Variants in WDR41 observed in about 807,000 individuals in gnomAD.
WDR41 encodes the protein WD repeat domain 41, also known as WD repeat-containing protein 41.
Under a neutral mutation model 69.3 loss-of-function variants are expected in WDR41, and 63 were observed. That is an observed-to-expected ratio of 0.91 (90% CI 0.74 to 1.12). The LOEUF is 1.12. WDR41 is among the 50% of genes most tolerant of loss of function. The pLI is 0.00. For synonymous variants in WDR41, 185 were observed against 192.1 expected (o/e 0.96, Z 0.31); for missense variants, 543 against 534.5 (o/e 1.02, Z -0.16).
At chr5:77,530,113 C>A (rs936267812) in intron 1 of WDR41, among the ~76,000 whole-genome samples, 18 of 151,496 alleles carry the variant, frequency 1.2e-4, no homozygotes, top group African/African-American at 4.4e-4. Context: ...AAAATTAAAA[C>A]CACGATAAGA....
chr5:77,442,019 T>C (rs1482539971), intron 8 of WDR41, among the ~76,000 whole-genome samples: 1 of 152,038 alleles, frequency 6.6e-6, no homozygotes, highest in Non-Finnish European at 1.5e-5. Context: ...TCAGGAAATA[T>C]AAAACAGGAA....
At chr5:77,526,082 T>C (rs984382042) in intron 1 of WDR41, among the ~76,000 whole-genome samples, 2 of 152,152 alleles carry the variant, frequency 1.3e-5, no homozygotes, top group African/African-American at 4.8e-5. Context: ...TTACAAAAAA[T>C]TATTATAAAT....
intron 2 of WDR41, among the ~76,000 whole-genome samples, chr5:77,474,750 T>C (rs1800817117): frequency 6.6e-6 from 1 of 152,210 alleles, no homozygotes; most frequent in Middle Eastern, 3.2e-3. Flanking sequence ...TGGTAAGTTC[T>C]TCCCTTCCCA....
chr5:77,589,323 T>A (rs928224560), intron 1 of WDR41, among the ~76,000 whole-genome samples: 1 of 152,210 alleles, frequency 6.6e-6, no homozygotes, highest in Non-Finnish European at 1.5e-5. Context: ...CCTTTAACTT[T>A]GTTCTTTTTC....
intron 9 of WDR41, among the ~76,000 whole-genome samples, chr5:77,438,627 TGAAA>T (rs1799038540): frequency 6.6e-6 from 1 of 152,198 alleles, no homozygotes; most frequent in Admixed American, 6.5e-5. Context: ...TCTTCCTCAC[TGAAA>T]TATATCTAGA....
chr5:77,540,840 T>C (rs1389774705), intron 1 of WDR41, among the ~76,000 whole-genome samples: 1 of 152,192 alleles, frequency 6.6e-6, no homozygotes, highest in Non-Finnish European at 1.5e-5. Flanking sequence ...ACATTTATGG[T>C]ATACAGGCTT....
At chr5:77,491,939 G>C in intron 1 of WDR41, 1 of 541,616 alleles carries the variant, frequency 1.8e-6, no homozygotes, top group Non-Finnish European at 3.2e-6. Context: ...CGTGGGACGG[G>C]GCCGGGGGTC....
chr5:77,619,522 G>A lies in WDR41; in HGVS notation c.42+957C>T, dbSNP rs565648948. 1.3e-4 allele frequency among the ~76,000 whole-genome samples: 20 copies of A among 152,100 alleles called. 1 individual carries two copies. The South Asian group carries it at 3.9e-3, about 30-fold the overall frequency. ...ATTATCTGAAAGGTGCTTGAGCAAC[G>A]TGTCCAGCTGCTGCTTCTCCCCAGA... On this transcript the variant is annotated intron_variant, in intron 1 of 5. Transcript: ENST00000509971.
At chr5:77,490,070 A>G (rs1329876862) in intron 1 of WDR41, among the ~76,000 whole-genome samples, 1 of 152,066 alleles carries the variant, frequency 6.6e-6, no homozygotes, top group Non-Finnish European at 1.5e-5. Context: ...GGATTTCTCA[A>G]ACTTGATGCT....
intron 2 of WDR41, among the ~76,000 whole-genome samples, chr5:77,484,278 A>G (rs1801411845): frequency 6.6e-6 from 1 of 152,222 alleles, no homozygotes; most frequent in South Asian, 2.1e-4. Flanking sequence ...AATAAGGAGA[A>G]AAGCAGCAAG....
chr5:77,513,687 T>C (rs1023043680), intron 1 of WDR41, among the ~76,000 whole-genome samples: 5 of 152,198 alleles, frequency 3.3e-5, no homozygotes, highest in Non-Finnish European at 7.4e-5. Flanking sequence ...TTTAAACATG[T>C]TTTAACCGAA....
intron 1 of WDR41, chr5:77,546,129 A>T (rs1580002768): frequency 2.0e-6 from 1 of 503,392 alleles, no homozygotes; most frequent in East Asian, 3.3e-5. Context: ...TCAGACCTAC[A>T]GCTACTTGAC....
intron 1 of WDR41, among the ~76,000 whole-genome samples, chr5:77,566,463 A>C (rs1373842479): frequency 6.6e-6 from 1 of 152,132 alleles, no homozygotes; most frequent in Non-Finnish European, 1.5e-5. Flanking sequence ...TAGGACAAAA[A>C]AAGATGCAAA....
intron 2 of WDR41, among the ~76,000 whole-genome samples, chr5:77,485,097 CAGA>C (rs1157421544): frequency 6.6e-6 from 1 of 152,220 alleles, no homozygotes; most frequent in African/African-American, 2.4e-5. Context: ...ACATCTGCAT[CAGA>C]GTCTGAGACA....
intron 1 of WDR41, among the ~76,000 whole-genome samples, chr5:77,536,414 G>A (rs1742982461): frequency 6.6e-6 from 1 of 151,278 alleles, no homozygotes; most frequent in Non-Finnish European, 1.5e-5. Context: ...TAAAAAAAAA[G>A]TAATGAAAAT....
intron 7 of WDR41, among the ~76,000 whole-genome samples, chr5:77,450,375 TTC>T (rs1319703834): frequency 3.3e-5 from 5 of 152,364 alleles, no homozygotes; most frequent in Middle Eastern, 3.4e-3. Flanking sequence ...AAATTATAAA[TTC>T]TCTGAGTATG....
intron 1 of WDR41, among the ~76,000 whole-genome samples, chr5:77,550,241 G>C (rs933662643): frequency 2.6e-5 from 4 of 152,058 alleles, no homozygotes; most frequent in African/African-American, 9.7e-5. Flanking sequence ...AAATTGACAA[G>C]TGTGATCTCA....
chr5:77,494,515 T>C (rs899365323), upstream of WDR41, among the ~76,000 whole-genome samples: 1 of 152,154 alleles, frequency 6.6e-6, no homozygotes, highest in Non-Finnish European at 1.5e-5. Flanking sequence ...GGAGTGGCTG[T>C]ACTAACAGCT....
At chr5:77,474,564 A>G (rs982022201) in intron 2 of WDR41, among the ~76,000 whole-genome samples, 4 of 152,216 alleles carry the variant, frequency 2.6e-5, no homozygotes, top group Non-Finnish European at 5.9e-5. Flanking sequence ...CATTTTCAGG[A>G]GCCATAGATG....
Sources: allele counts gnomAD v4.1 joint callset (sites outside exome capture counted in the v4.1 genomes callset), GRCh38; gene constraint gnomAD v4.1.1; transcripts MANE v1.5; gene names NCBI Gene and HGNC (gene_info 2026-07-23, HGNC 2026-07-21).